Variants in CNTN1 observed in about 807,000 individuals in gnomAD.
The protein encoded by CNTN1 is contactin 1.
In CNTN1, 38 loss-of-function variants were observed where a neutral mutation model predicts 126.4. The ratio of observed to expected loss-of-function variants is 0.30; its 90% CI spans 0.23 to 0.39. The LOEUF is 0.39. Ranked by LOEUF, CNTN1 falls within the 10% of genes least tolerant of loss-of-function variation. The probability of loss-of-function intolerance (pLI) is 1.00; values close to 1 mark genes in which losing one functional copy is unlikely to be tolerated. For missense variants in CNTN1, 1,009 were observed against 1,248.4 expected (o/e 0.81, Z 2.89); for synonymous variants, 413 against 422.6 (o/e 0.98, Z 0.28).
At chr12:40,743,340 G>A (rs185561504) in intron 1 of CNTN1, among the ~76,000 whole-genome samples, 1 of 152,122 alleles carries the variant, frequency 6.6e-6, no homozygotes, top group East Asian at 1.9e-4. Context: ...TGTGGGCAAT[G>A]CAAGACAAAA....
At chr12:41,061,978 C>A in intron 23 of CNTN1, 1 of 226,456 alleles carries the variant, frequency 4.4e-6, no homozygotes, top group Non-Finnish European at 9.1e-6. Flanking sequence ...TCATCAAAAG[C>A]AAAATAAGCA....
At chr12:41,018,327 C>T (rs1464805304) in intron 19 of CNTN1, among the ~76,000 whole-genome samples, 2 of 152,060 alleles carry the variant, frequency 1.3e-5, no homozygotes, top group East Asian at 1.9e-4. Flanking sequence ...TCTATTGGTT[C>T]ACCCAACTTC....
intron 3 of CNTN1, among the ~76,000 whole-genome samples, chr12:40,917,557 C>A (rs1945288987): frequency 1.3e-5 from 2 of 152,070 alleles, no homozygotes; most frequent in African/African-American, 2.4e-5. Flanking sequence ...TCAGAGAAGA[C>A]AAAATATTTG....
rs542948073 is a variant in CNTN1, at chr12:40,797,634, T to G, written c.-77+105042T>G. Among the ~76,000 whole-genome samples, 21 of 152,142 alleles carry G rather than the reference T, an allele frequency of 1.4e-4. No homozygotes were observed. The East Asian group carries it at 4.1e-3, about 30-fold the overall frequency. On this transcript the variant is annotated intron_variant, in intron 1 of 23. Coordinates refer to ENST00000551295, the MANE Select transcript of CNTN1 (RefSeq NM_001843.4). The stretch of plus-strand genomic sequence containing the variant: ...CTAGTAAATAATGATGACACTGACA[T>G]TGAGAATATTCTTCTAGGTGCTCTG...
At chr12:40,903,322 C>G (rs909000525) in intron 1 of CNTN1, among the ~76,000 whole-genome samples, 3 of 151,058 alleles carry the variant, frequency 2.0e-5, no homozygotes, top group Non-Finnish European at 4.4e-5. Flanking sequence ...TCTGGTCCTT[C>G]TGTTATTTCA....
intron 3 of CNTN1, among the ~76,000 whole-genome samples, chr12:40,913,408 C>T (rs1945115455): frequency 6.6e-6 from 1 of 152,184 alleles, no homozygotes; most frequent in Non-Finnish European, 1.5e-5. Context: ...CACCACTCCC[C>T]ACCCAATAAT....
At chr12:40,977,778 TTTGTTTTGTTTTG>T (rs1947719058) in intron 15 of CNTN1, among the ~76,000 whole-genome samples, 6 of 27,322 alleles carry the variant, frequency 2.2e-4, no homozygotes, top group Admixed American at 9.2e-4. Context: ...TTTGTTTTGT[TTTGTTTTGTTTTG>T]TTTTGTTTTG....
At chr12:40,998,183 C>T (rs1347755187) in intron 17 of CNTN1, among the ~76,000 whole-genome samples, 5 of 152,056 alleles carry the variant, frequency 3.3e-5, no homozygotes, top group East Asian at 1.9e-4. Flanking sequence ...CATATACATT[C>T]GATGCTATTG....
intron 1 of CNTN1, among the ~76,000 whole-genome samples, chr12:40,891,973 G>A (rs1273972810): frequency 6.6e-6 from 1 of 152,064 alleles, no homozygotes; most frequent in Non-Finnish European, 1.5e-5. Flanking sequence ...AGATCAAGCT[G>A]GGCAGAACTG....
chr12:40,780,609 G>A lies in CNTN1; in HGVS notation c.-77+88017G>A, dbSNP rs753689965. Among the ~76,000 whole-genome samples, 35 of 150,618 alleles carry A rather than the reference G, an allele frequency of 2.3e-4. 1 individual carries two copies. Among genetic ancestry groups the A allele is most frequent in the Non-Finnish European group, 4.4e-4 (30 of 67,536 alleles). The stretch of plus-strand genomic sequence containing the variant: ...ATAAAATGTCAAATTCTCTATTCTC[G>A]GGAGGCTGACATGGAGGGATCACTT... On this transcript the variant is annotated intron_variant, in intron 1 of 23. Coordinates refer to ENST00000551295, the MANE Select transcript of CNTN1 (RefSeq NM_001843.4).
At chr12:40,827,784 C>T (rs1004105925) in intron 1 of CNTN1, among the ~76,000 whole-genome samples, 25 of 152,004 alleles carry the variant, frequency 1.6e-4, no homozygotes, top group African/African-American at 4.8e-4. Context: ...AATCGTGGAG[C>T]TCCAATTGTC....
chr12:40,769,685 G>C (rs74946383), intron 1 of CNTN1, among the ~76,000 whole-genome samples: 1 of 152,042 alleles, frequency 6.6e-6, no homozygotes, highest in Non-Finnish European at 1.5e-5. Context: ...TGCTGCTTTA[G>C]GATATTGCAT....
At chr12:41,030,397 TTTTAG>T (rs1949124312) in intron 23 of CNTN1, among the ~76,000 whole-genome samples, 1 of 152,030 alleles carries the variant, frequency 6.6e-6, no homozygotes, top group African/African-American at 2.4e-5. Context: ...CTTTGATTTT[TTTTAG>T]TTTAATCATC....
chr12:40,855,270 C>T (rs1464677689), intron 1 of CNTN1, among the ~76,000 whole-genome samples: 1 of 151,862 alleles, frequency 6.6e-6, no homozygotes. Context: ...AAGTTTAAAC[C>T]GTTGCAAAAT....
chr12:40,795,274 TACACACACACAC>T (rs71078269), intron 1 of CNTN1, among the ~76,000 whole-genome samples: 263 of 124,144 alleles, frequency 2.1e-3, no homozygotes, highest in South Asian at 3.8e-3. Context: ...TCTACATGTA[TACACACACACAC>T]ACACACACAC....
At chr12:40,887,036 G>C (rs1468239295) in intron 1 of CNTN1, among the ~76,000 whole-genome samples, 2 of 152,176 alleles carry the variant, frequency 1.3e-5, no homozygotes, top group Admixed American at 6.5e-5. Context: ...GCTTAGGATT[G>C]ACTTGGCAAT....
intron 1 of CNTN1, among the ~76,000 whole-genome samples, chr12:40,894,770 G>T (rs1203738798): frequency 6.6e-6 from 1 of 152,088 alleles, no homozygotes; most frequent in African/African-American, 2.4e-5. Flanking sequence ...GACTTATGAA[G>T]AAATCAATTC....
At chr12:41,035,403 A>G (rs1434686) in intron 23 of CNTN1, among the ~76,000 whole-genome samples, 4,789 of 152,258 alleles carry the variant, frequency 0.031, 269 homozygotes, top group Admixed American at 0.14. Flanking sequence ...TTTCAAAAAC[A>G]TTTTGTTCTC....
chr12:40,754,050 C>T (rs1938505158), intron 1 of CNTN1, among the ~76,000 whole-genome samples: 1 of 151,958 alleles, frequency 6.6e-6, no homozygotes, highest in Admixed American at 6.6e-5. Context: ...TGATATTCCA[C>T]CAGTATGAAA....
Sources: gnomAD v4.1 joint callset for allele counts (sites outside exome capture counted in the v4.1 genomes callset) on GRCh38, gnomAD v4.1.1 for gene constraint, MANE v1.5 for transcripts, NCBI Gene and HGNC (gene_info 2026-07-23, HGNC 2026-07-21) for gene names.